Variants in PCDHGA3 observed in about 807,000 individuals in gnomAD.
The protein encoded by PCDHGA3 is protocadherin gamma subfamily A, 3.
Under a neutral mutation model 58.5 loss-of-function variants are expected in PCDHGA3, and 40 were observed. The ratio of observed to expected loss-of-function variants is 0.68; its 90% CI spans 0.53 to 0.89. The LOEUF (loss-of-function observed/expected upper bound fraction) is 0.89. PCDHGA3 is among the 40% of genes least tolerant of loss of function. The pLI, the probability that PCDHGA3 is intolerant of heterozygous loss-of-function variation, is 0.00. For synonymous variants in PCDHGA3, 530 were observed against 525.7 expected (o/e 1.01, Z -0.11); for missense variants, 1,223 against 1,195.9 (o/e 1.02, Z -0.33).
intron 1 of PCDHGA3, chr5:141,389,770 C>T: frequency 4.3e-6 from 7 of 1,613,166 alleles, no homozygotes; most frequent in Admixed American, 1.7e-5. Flanking sequence ...ACAGCGCGTG[C>T]CTTAGGCGAC....
intron 1 of PCDHGA3, chr5:141,389,471 A>G: frequency 6.2e-7 from 1 of 1,613,210 alleles, no homozygotes; most frequent in Non-Finnish European, 8.5e-7. Flanking sequence ...TCGAACTCAC[A>G]CTGCAGGCCC....
At chr5:141,364,954 C>T (rs765455076) in intron 1 of PCDHGA3, 17 of 1,613,940 alleles carry the variant, frequency 1.1e-5, no homozygotes, top group Admixed American at 1.0e-4. Flanking sequence ...AGACTGTTCA[C>T]GACCTCCTCC....
At position 141,431,595 on chromosome 5, in the gene PCDHGA3, A is replaced by G; in HGVS notation, c.2425-63212A>G. The G allele has an allele frequency of 6.2e-7, 1 of 1,614,218 alleles. No homozygotes were observed. The highest frequency in any genetic ancestry group is 8.5e-7 in the Non-Finnish European group (1 of 1,180,034). On this transcript the variant is annotated intron_variant, in intron 1 of 3. Transcript: ENST00000253812. The surrounding 1 kb of genome is among the most constrained non-coding windows in gnomAD (Gnocchi z 4.8). Reference sequence around the variant, plus strand: ...GAAGGAGTCAATGCGGAAGTGAGGTATTCCTTCCGGTATGTGGACGACAAG... The same window carrying G: ...GAAGGAGTCAATGCGGAAGTGAGGTGTTCCTTCCGGTATGTGGACGACAAG...
intron 1 of PCDHGA3, chr5:141,352,294 T>A (rs1758971245): frequency 6.2e-7 from 1 of 1,614,072 alleles, no homozygotes; most frequent in Non-Finnish European, 8.5e-7. Flanking sequence ...CTGAGCCCTC[T>A]GACCCCCAGA....
chr5:141,418,509 G>A, intron 1 of PCDHGA3: 1 of 1,613,986 alleles, frequency 6.2e-7, no homozygotes. Context: ...GCCTTAGATG[G>A]TGGGGACCCT....
intron 1 of PCDHGA3, chr5:141,362,068 G>T (rs62621761): frequency 1.9e-6 from 3 of 1,612,342 alleles, no homozygotes; most frequent in African/African-American, 1.3e-5. Flanking sequence ...CCTGCTGGTC[G>T]CTGTGCGTGA....
At chr5:141,507,537 C>CA (rs140454890) in intron 3 of PCDHGA3, among the ~76,000 whole-genome samples, 3,617 of 152,286 alleles carry the variant, frequency 0.024, 53 homozygotes, top group East Asian at 0.043. Context: ...AGGCCAGAGA[C>CA]TGAGTATGAA....
At position 141,421,030 on chromosome 5, in the gene PCDHGA3, G is replaced by A. The variant is rs989158485; in HGVS notation, c.2425-73777G>A. The stretch of plus-strand genomic sequence containing the variant: ...GGAATGGGAAGCTGCGCGCCATTGA[G>A]TCCCTCCCTCCCCCGCCTCTACCAC... On this transcript the variant is annotated intron_variant, in intron 1 of 3. Coordinates refer to ENST00000253812, the MANE Select transcript of PCDHGA3 (RefSeq NM_018916.4). 39 of 532,352 alleles carry A rather than the reference G, an allele frequency of 7.3e-5. No homozygotes were observed. In the East Asian group the frequency reaches 1.2e-3, roughly 17 times the overall value. 33.0% of individuals were successfully genotyped at this position (532,352 alleles called of 1,614,324 possible). A position where few individuals can be genotyped will look rare whatever the true frequency, so the allele number is the denominator to read the frequency against.
rs777133589 is a variant in PCDHGA3, at chr5:141,390,020, C to G, written c.2424+43563C>G. The stretch of plus-strand genomic sequence containing the variant: ...CCATGATTCTGGCCATTGCCTTGCG[C>G]CTGCGACGCTCCTCCAGCCCCGCCT... On this transcript the variant is annotated intron_variant, in intron 1 of 3. Transcript: ENST00000253812. 4 of 1,613,930 alleles carry G rather than the reference C, an allele frequency of 2.5e-6. No homozygotes were observed. The African/African-American group carries it at 5.3e-5, about 22-fold the overall frequency.
Position 141,344,098 on chromosome 5 carries a change from C to A in PCDHGA3, c.65C>A (p.Thr22Lys), listed in dbSNP as rs1168933689. 4.3e-6 allele frequency: 7 copies of A among 1,613,536 alleles called. No homozygotes were observed. The highest frequency in any genetic ancestry group is 5.9e-6 in the Non-Finnish European group (7 of 1,179,642). Residue 22 changes from threonine to lysine, a missense_variant, in exon 1 of 4, where the codon ACG becomes AAG. Transcript: ENST00000253812. ...GCCCTGCTGTGCGCGCTCCTGGGGA[C>A]GCTGTGCGAAACAGGATCCGGTCAG... ...GLALLCALLG[T>K]LCETGSGQIR... is the part of the protein sequence containing the mutation.
intron 1 of PCDHGA3, chr5:141,389,267 G>A: frequency 6.2e-7 from 1 of 1,614,008 alleles, no homozygotes; most frequent in African/African-American, 1.3e-5. Flanking sequence ...ACGTGGCCGA[G>A]AACAACCCGC....
chr5:141,459,253 ATTAGTGTTGCCTCT>A (rs1439680561), intron 1 of PCDHGA3, among the ~76,000 whole-genome samples: 1 of 152,174 alleles, frequency 6.6e-6, no homozygotes, highest in African/African-American at 2.4e-5. Context: ...GTCACTATAA[ATTAGTGTTGCCTCT>A]TTCAGAATTT....
At chr5:141,488,951 A>G (rs2099680664) in intron 1 of PCDHGA3, among the ~76,000 whole-genome samples, 1 of 152,118 alleles carries the variant, frequency 6.6e-6, no homozygotes, top group Admixed American at 6.5e-5. Flanking sequence ...ATTGGTTGAG[A>G]GCACACAGAC....
intron 1 of PCDHGA3, chr5:141,478,523 G>A: frequency 1.2e-6 from 2 of 1,609,908 alleles, no homozygotes; most frequent in Non-Finnish European, 1.7e-6. Flanking sequence ...GGTGTTGGGT[G>A]CAGAGAGCGC....
At chr5:141,418,855 A>C in intron 1 of PCDHGA3, 1 of 1,614,042 alleles carries the variant, frequency 6.2e-7, no homozygotes, top group Non-Finnish European at 8.5e-7. Context: ...CACGGTGTAA[A>C]GTAATTGTAG....
At chr5:141,481,229 A>T (rs989963485) in intron 1 of PCDHGA3, among the ~76,000 whole-genome samples, 1 of 152,212 alleles carries the variant, frequency 6.6e-6, no homozygotes, top group Non-Finnish European at 1.5e-5. Flanking sequence ...TCCCAGCCTT[A>T]AAGTATTACA....
chr5:141,391,648 C>T (rs760508987), intron 1 of PCDHGA3: 4 of 152,210 alleles, frequency 2.6e-5, no homozygotes, highest in Non-Finnish European at 5.9e-5. Context: ...AAAAAACTAT[C>T]ATACCAGTCT....
At chr5:141,375,865 GGACA>G in intron 1 of PCDHGA3, 2 of 1,613,976 alleles carry the variant, frequency 1.2e-6, no homozygotes. Context: ...TGGTGGCGGT[GGACA>G]GAGACTCGGG....
chr5:141,472,412 G>A (rs1283620276), intron 1 of PCDHGA3, among the ~76,000 whole-genome samples: 8 of 151,940 alleles, frequency 5.3e-5, no homozygotes, highest in Non-Finnish European at 8.8e-5. Context: ...GTGGTGGCAC[G>A]CACCTGTATC....
Sources: allele counts gnomAD v4.1 joint callset (sites outside exome capture counted in the v4.1 genomes callset), GRCh38; gene constraint gnomAD v4.1.1; non-coding constraint Gnocchi (gnomAD v3.1); transcripts MANE v1.5; gene names NCBI Gene and HGNC (gene_info 2026-07-23, HGNC 2026-07-21).